Variants in MYH7B observed in about 807,000 individuals in gnomAD.
MYH7B encodes myosin heavy chain 7B, also known as myosin-7B.
MYH7B carries 205 observed loss-of-function variants against 234.5 expected under a neutral mutation model. That is an observed-to-expected ratio of 0.87 (90% confidence interval 0.78 to 0.98). MYH7B has a LOEUF of 0.98. Among genes scored for constraint, MYH7B ranks in the 50% least tolerant of loss-of-function variants. MYH7B has a pLI of 0.00. For synonymous variants in MYH7B, 1,193 were observed against 1,105.0 expected (o/e 1.08, Z -1.58); for missense variants, 2,652 against 2,633.4 (o/e 1.01, Z -0.15).
In MYH7B at chr20:34,995,582, T is replaced by TGGGCC; in HGVS notation, c.2943+10_2943+14dup. On this transcript the variant is annotated splice_donor_region_variant and intron_variant, in intron 28 of 44. Coordinates refer to ENST00000262873, the Ensembl canonical transcript of MYH7B. ...GAAGCAAGCCACTGAGAACAAGGTG[T>TGGGCC]GGGCCGGGCCAGCTGTGGGGAAGGG... The TGGGCC allele has an allele frequency of 6.2e-7, 1 of 1,613,698 alleles. No individual in the cohort carries two copies. The highest frequency in any genetic ancestry group is 8.5e-7 in the Non-Finnish European group (1 of 1,179,926).
rs773521203 is a variant in MYH7B, at chr20:34,998,259, AACTCCTG to A, written c.3748-33_3748-27del. ...GATGCACAAACTTGTTCTGACATCT[AACTCCTG>A]ACCCCTGACTCCCAACCTGGGATCC... On this transcript the variant is annotated intron_variant, in intron 32 of 44. Transcript: ENST00000262873. 1.4e-5 allele frequency: 23 copies of A among 1,609,668 alleles called. No individual in the cohort carries two copies. The East Asian group carries it at 4.9e-4, about 34-fold the overall frequency.
Position 34,990,266 on chromosome 20 carries a change from CG to C in MYH7B, c.1934del (p.Arg645LeufsTer21). ...CCCCAAGTCTGGGGTGAAAGAGAAG[CG>C]TAAGAAGGCAGCATCGTTCCAGACG... On this transcript the variant is annotated frameshift_variant, in exon 22 of 45. Coordinates refer to ENST00000262873, the Ensembl canonical transcript of MYH7B. LOFTEE classifies it high-confidence loss of function. The C allele has an allele frequency of 6.2e-7, 1 of 1,614,144 alleles. No individual in the cohort carries two copies. The highest frequency in any genetic ancestry group is 8.5e-7 in the Non-Finnish European group (1 of 1,180,042).
chr20:34,987,269 G>A (rs1432353471), exon 16 of MYH7B: 1 of 1,611,164 alleles, frequency 6.2e-7, no homozygotes, highest in Non-Finnish European at 8.5e-7. Flanking sequence ...GGAGCAGGCG[G>A]AGGCCGATGG....
rs756516874 is a variant in MYH7B, at chr20:34,999,036, T to C, written c.4191-20T>C. 5.6e-5 allele frequency: 90 copies of C among 1,599,640 alleles called. No homozygotes were observed. The highest frequency in any genetic ancestry group is 1.7e-4 in the Middle Eastern group (1 of 6,028). ...CTCCCTCCTTCCATGGTCCACACCT[T>C]GTCTGGTTCCATGGCCTAGAAAAAA... On this transcript the variant is annotated intron_variant, in intron 35 of 44. Transcript: ENST00000262873.
rs187168007 is a variant in MYH7B at position 34,990,539 on chromosome 20, G to A, written c.1978-199G>A. The A allele has an allele frequency of 2.3e-3, 1,837 of 816,068 alleles. 13 individuals are homozygous for A. In the African/African-American group the frequency reaches 0.025, roughly 11 times the overall value. The allele number at this position is 816,068 out of a possible 1,614,324, so 50.6% of individuals were successfully genotyped here. ...GGAGCCCTGGGGCTCTGGGAGGGAC[G>A]GGGATTTGGCAGGGAAGTGAAGACT... On this transcript the variant is annotated intron_variant, in intron 22 of 44. Coordinates refer to ENST00000262873, the Ensembl canonical transcript of MYH7B.
chr20:35,002,154 C>T, intron 44 of MYH7B, 23 bp from the exon 45 acceptor site: 2 of 1,588,186 alleles, frequency 1.3e-6, no homozygotes, highest in Non-Finnish European at 1.7e-6. Context: ...GTACTGCTCA[C>T]TCAGCTATCC....
chr20:34,992,302 C>A (rs953154817), intron 24 of MYH7B, among the ~76,000 whole-genome samples: 4 of 150,776 alleles, frequency 2.7e-5, no homozygotes, highest in African/African-American at 4.9e-5. Flanking sequence ...AGGAGAATGG[C>A]CTGAACCCGG....
intron 2 of MYH7B, 106 bp from the exon 3 acceptor site, chr20:34,975,294 T>A: frequency 2.2e-6 from 1 of 453,798 alleles, no homozygotes. Flanking sequence ...AACCTCTGCC[T>A]CCTGGGTTCA....
chr20:34,980,496 C>A, intron 7 of MYH7B, 82 bp from the exon 8 acceptor site: 2 of 1,264,776 alleles, frequency 1.6e-6, no homozygotes, highest in Non-Finnish European at 1.1e-6. Context: ...CGAGATCATG[C>A]CGTTGTACTC....
At chr20:34,999,750 T>TTGGCCC in intron 37 of MYH7B, 41 bp from the exon 38 acceptor site, 1 of 1,320,518 alleles carries the variant, frequency 7.6e-7, no homozygotes, top group South Asian at 1.4e-5. Context: ...CCACTGGCCA[T>TTGGCCC]CCCCCCCCCC....
exon 37 of MYH7B, chr20:34,999,600 A>C: frequency 1.2e-6 from 2 of 1,612,932 alleles, no homozygotes; most frequent in Non-Finnish European, 1.7e-6. Context: ...AGACCAGGTG[A>C]GTCTCAGTGG....
At chr20:34,979,302 T>C in intron 5 of MYH7B, 88 bp from the exon 6 acceptor site, 1 of 1,029,960 alleles carries the variant, frequency 9.7e-7, no homozygotes, top group Non-Finnish European at 1.4e-6. Flanking sequence ...GGGTCACAGC[T>C]GTATGGATAC....
chr20:34,974,538 TGGTTTCTCAGCCCCAG>T (rs1309108254), intron 2 of MYH7B, among the ~76,000 whole-genome samples: 2 of 152,162 alleles, frequency 1.3e-5, no homozygotes, highest in Non-Finnish European at 2.9e-5. Flanking sequence ...TTTTGAGGCT[TGGTTTCTCAGCCCCAG>T]GTTCATACAC....
chr20:34,972,313 C>T (rs2081800565), intron 2 of MYH7B, among the ~76,000 whole-genome samples: 1 of 152,054 alleles, frequency 6.6e-6, no homozygotes. Context: ...TTTTCTGCCT[C>T]ATGGCTATTG....
At position 35,000,694 on chromosome 20, in the gene MYH7B, G is replaced by T; in HGVS notation, c.5178+5G>T. 1 of 1,596,864 alleles carries T rather than the reference G, an allele frequency of 6.3e-7. No homozygotes were observed. The highest frequency in any genetic ancestry group is 1.1e-5 in the South Asian group (1 of 88,944). ...CTCAACCTTCTGCATTCGCAGGTGG[G>T]GACAGGAGTCCCTGGGGACAGAGCA... On this transcript the variant is annotated splice_donor_5th_base_variant and intron_variant, in intron 39 of 44. Transcript: ENST00000262873.
chr20:34,960,865 A>C (rs2081690138), intron 2 of MYH7B, among the ~76,000 whole-genome samples: 1 of 152,144 alleles, frequency 6.6e-6, no homozygotes, highest in Non-Finnish European at 1.5e-5. Context: ...GTGTTATCTC[A>C]TTTACACCCC....
chr20:35,001,335 G>C, exon 42 of MYH7B: 1 of 1,609,906 alleles, frequency 6.2e-7, no homozygotes, highest in Non-Finnish European at 8.5e-7. Flanking sequence ...CCGTGTCAAG[G>C]AGCTCGCATA....
intron 2 of MYH7B, among the ~76,000 whole-genome samples, chr20:34,964,367 C>G (rs1208928996): frequency 6.6e-6 from 1 of 152,140 alleles, no homozygotes; most frequent in Non-Finnish European, 1.5e-5. Flanking sequence ...CAGAAGGGGC[C>G]CAGAATAACC....
intron 2 of MYH7B, among the ~76,000 whole-genome samples, chr20:34,972,969 C>T (rs1422726087): frequency 6.6e-6 from 1 of 152,150 alleles, no homozygotes; most frequent in Non-Finnish European, 1.5e-5. Flanking sequence ...AGAGATGTCA[C>T]AGGGAGCTTA....
Sources: gnomAD v4.1 joint callset for allele counts (sites outside exome capture counted in the v4.1 genomes callset) on GRCh38, gnomAD v4.1.1 for gene constraint, MANE v1.5 for transcripts, NCBI Gene and HGNC (gene_info 2026-07-23, HGNC 2026-07-21) for gene names.